The following CD163L1 variants were observed in gnomAD, a reference collection of about 807,000 sequenced individuals.
CD163L1 encodes the protein CD163 molecule like 1.
CD163L1 carries 124 observed loss-of-function variants against 165.4 expected under a neutral mutation model. That is an observed-to-expected ratio of 0.75 (90% CI 0.65 to 0.87). CD163L1 has a LOEUF of 0.87. CD163L1 is among the 40% of genes least tolerant of loss of function. The probability of loss-of-function intolerance (pLI) is 0.00; values close to 1 mark genes in which losing one functional copy is unlikely to be tolerated. For missense variants in CD163L1, 1,525 were observed against 1,799.9 expected (o/e 0.85, Z 2.76); for synonymous variants, 585 against 662.2 (o/e 0.88, Z 1.79).
rs1948637816 is a variant in CD163L1 at position 7,432,058 on chromosome 12, T to A, written c.766+358A>T. Among the ~76,000 whole-genome samples, 1 of 152,072 alleles carries A rather than the reference T, an allele frequency of 6.6e-6. No homozygotes were observed. Among genetic ancestry groups the A allele is most frequent in the Non-Finnish European group, 1.5e-5 (1 of 68,004 alleles). ...CTAAGTTTTGGTAGCTGGAAAGAATTAGTAAAGTGGGGAAACTAGACTAAG... is the reference window on the plus strand; with the variant it reads ...CTAAGTTTTGGTAGCTGGAAAGAATAAGTAAAGTGGGGAAACTAGACTAAG... On this transcript the variant is annotated intron_variant, in intron 4 of 19. Transcript: ENST00000313599. The surrounding 1 kb of genome is among the most constrained non-coding windows in gnomAD (Gnocchi z 4.2).
At chr12:7,410,209 T>C (rs1287249654) in intron 4 of CD163L1, among the ~76,000 whole-genome samples, 2 of 150,222 alleles carry the variant, frequency 1.3e-5, no homozygotes, top group African/African-American at 4.9e-5. Context: ...GAAAAAAAGG[T>C]TTCAAGAGGA....
chr12:7,438,204 A>G (rs1329523228), intron 2 of CD163L1, among the ~76,000 whole-genome samples: 1 of 152,206 alleles, frequency 6.6e-6, no homozygotes, highest in African/African-American at 2.4e-5. Context: ...TTTCCTTAAA[A>G]TAAATTCCCA....
At chr12:7,396,548 G>T in intron 7 of CD163L1, 133 bp from the exon 8 acceptor site, 2 of 856,126 alleles carry the variant, frequency 2.3e-6, no homozygotes, top group Non-Finnish European at 3.5e-6. Context: ...TATTTTTTCA[G>T]ATGTGATTAA....
At chr12:7,328,484 A>C in the CD163L1 span, 2 of 860,092 alleles carry the variant, frequency 2.3e-6, no homozygotes, top group Non-Finnish European at 3.2e-6. Flanking sequence ...TTCCTGCTTG[A>C]AAACTCAACT....
At chr12:7,421,480 T>C (rs1469628998) in intron 4 of CD163L1, among the ~76,000 whole-genome samples, 11 of 115,538 alleles carry the variant, frequency 9.5e-5, no homozygotes, top group Non-Finnish European at 1.6e-4. Context: ...TATACATATA[T>C]GTACATATAT....
intron 8 of CD163L1, among the ~76,000 whole-genome samples, chr12:7,383,733 G>C (rs1448283516): frequency 6.6e-6 from 1 of 152,148 alleles, no homozygotes; most frequent in Non-Finnish European, 1.5e-5. Flanking sequence ...AGAAATCATG[G>C]AGATTACACT....
the CD163L1 span, among the ~76,000 whole-genome samples, chr12:7,328,897 CTGTATATA>C: frequency 6.7e-6 from 1 of 148,816 alleles, no homozygotes; most frequent in East Asian, 2.0e-4. Context: ...ATGTATACAT[CTGTATATA>C]TGTATATATA....
intron 4 of CD163L1, among the ~76,000 whole-genome samples, chr12:7,421,492 C>CATATAT (rs769152351): frequency 9.2e-6 from 1 of 108,908 alleles, no homozygotes; most frequent in Non-Finnish European, 1.7e-5. Flanking sequence ...TACATATATA[C>CATATAT]ATATATGTAC....
intron 8 of CD163L1, among the ~76,000 whole-genome samples, chr12:7,387,880 C>A (rs756762533): frequency 6.6e-6 from 1 of 152,234 alleles, no homozygotes; most frequent in Non-Finnish European, 1.5e-5. Context: ...CTTCAAAATA[C>A]ACTACAAAGC....
intron 6 of CD163L1, among the ~76,000 whole-genome samples, chr12:7,403,055 T>G (rs1409158406): frequency 6.6e-6 from 1 of 152,180 alleles, no homozygotes; most frequent in African/African-American, 2.4e-5. Context: ...ACTAATGACA[T>G]TCTAGATGCT....
In CD163L1 at chr12:7,444,099, A is replaced by G; in HGVS notation, c.29T>C (p.Ile10Thr). 1.2e-6 allele frequency: 2 copies of G among 1,613,788 alleles called. No individual in the cohort carries two copies. The highest frequency in any genetic ancestry group is 1.1e-5 in the South Asian group (1 of 91,046). MMLPQNSWH[I>T]DFGRCCCHQN... is the part of the protein sequence containing the mutation. ...GCAAAATAAAAGCAAAACCTTACCA[A>G]TATGCCACGAGTTTTGAGGCAGCAT... is the stretch of plus-strand genomic sequence containing the variant. The change falls in exon 1 of 20, where the codon ATT becomes ACT. Residue 10 changes from isoleucine to threonine, a missense_variant and splice_region_variant. By Grantham distance (89) the Ile-to-Thr change is moderately conservative. Coordinates refer to ENST00000313599, the MANE Select transcript of CD163L1 (RefSeq NM_174941.6).
At position 7,347,655 on chromosome 12, in the gene CD163L1, C is replaced by G. The variant is rs1819684626; in HGVS notation, c.*25-508G>C. 6.6e-6 allele frequency among the ~76,000 whole-genome samples: 1 copy of G among 152,012 alleles called. No individual in the cohort carries two copies. Among genetic ancestry groups the G allele is most frequent in the Non-Finnish European group, 1.5e-5 (1 of 68,012 alleles). The stretch of plus-strand genomic sequence containing the variant: ...TGGTGGCGGGCGCCTGTAGTCCCAG[C>G]TACTCGGAGAGGCTGAGGCAGGAGA... On this transcript the variant is annotated intron_variant, in intron 4 of 4. Coordinates refer to the CD163L1 transcript ENST00000539726. This position sits in a 1 kb window ranked among gnomAD's most constrained non-coding sequence, Gnocchi z 4.2.
intron 8 of CD163L1, among the ~76,000 whole-genome samples, chr12:7,380,322 T>TGTGTGTATACGCGTATACATAC (rs1947360785): frequency 6.7e-6 from 1 of 148,466 alleles, no homozygotes; most frequent in East Asian, 1.9e-4. Flanking sequence ...TACATACATA[T>TGTGTGTATACGCGTATACATAC]ATGTATGTAT....
the CD163L1 span, chr12:7,322,446 T>C: frequency 6.2e-7 from 1 of 1,613,832 alleles, no homozygotes; most frequent in Non-Finnish European, 8.5e-7. Flanking sequence ...GCGGCACTGC[T>C]TGACCGGAGG....
chr12:7,330,267 G>A, the CD163L1 span, among the ~76,000 whole-genome samples: 1 of 152,130 alleles, frequency 6.6e-6, no homozygotes, highest in African/African-American at 2.4e-5. Context: ...ATGTTCACTA[G>A]CCATTAAATA....
At chr12:7,328,698 G>T in the CD163L1 span, 1 of 164,300 alleles carries the variant, frequency 6.1e-6, no homozygotes, top group South Asian at 1.6e-4. Context: ...GTGCCTGATT[G>T]ATTCAAAATA....
At chr12:7,420,563 A>G (rs1326424578) in intron 4 of CD163L1, among the ~76,000 whole-genome samples, 1 of 151,972 alleles carries the variant, frequency 6.6e-6, no homozygotes, top group East Asian at 1.9e-4. Context: ...CAAATAGACA[A>G]TTCTCAAAAG....
intron 2 of CD163L1, among the ~76,000 whole-genome samples, chr12:7,435,836 T>C (rs1214372770): frequency 6.6e-6 from 1 of 152,144 alleles, no homozygotes; most frequent in Non-Finnish European, 1.5e-5. Flanking sequence ...TATTTATTTA[T>C]ACAAGATAAT....
the CD163L1 span, chr12:7,322,431 A>G: frequency 6.2e-7 from 1 of 1,613,686 alleles, no homozygotes; most frequent in Admixed American, 1.7e-5. Context: ...TAAATTCAAG[A>G]GTCTGCGGCA....
Sources: gnomAD v4.1 joint callset for allele counts (sites outside exome capture counted in the v4.1 genomes callset) on GRCh38, gnomAD v4.1.1 for gene constraint, Gnocchi (gnomAD v3.1) non-coding constraint, MANE v1.5 for transcripts, NCBI Gene and HGNC (gene_info 2026-07-23, HGNC 2026-07-21) for gene names.